The following USP3 variants were observed in gnomAD, a reference collection of about 807,000 sequenced individuals.
USP3 encodes ubiquitin carboxyl-terminal hydrolase 3.
USP3 carries 20 observed loss-of-function variants against 72.3 expected under a neutral mutation model. The ratio of observed to expected loss-of-function variants is 0.28; its 90% CI spans 0.19 to 0.40. USP3 has a LOEUF of 0.40. Among genes scored for constraint, USP3 ranks in the 10% least tolerant of loss-of-function variants. The pLI is 1.00. For missense variants in USP3, 479 were observed against 633.9 expected (o/e 0.76, Z 2.62); for synonymous variants, 222 against 225.3 (o/e 0.99, Z 0.13).
Position 63,570,635 on chromosome 15 carries a change from T to C in USP3, c.908+56T>C. On this transcript the variant is annotated intron_variant, in intron 9 of 14. Coordinates refer to ENST00000380324, the MANE Select transcript of USP3 (RefSeq NM_006537.4). The surrounding 1 kb of genome is among the most constrained non-coding windows in gnomAD (Gnocchi z 4.4). ...AGGGCCTCAGACATTTCTTTTGGTGTTAATTATGTGTTAGATTTATAACGG... is the reference window on the plus strand; with the variant it reads ...AGGGCCTCAGACATTTCTTTTGGTGCTAATTATGTGTTAGATTTATAACGG... The C allele has an allele frequency of 6.4e-7, 1 of 1,552,632 alleles. No homozygotes were observed. Among genetic ancestry groups the C allele is most frequent in the Non-Finnish European group, 8.7e-7 (1 of 1,151,934 alleles).
At chr15:63,543,540 T>G (rs1253749488) in intron 3 of USP3, among the ~76,000 whole-genome samples, 1 of 152,246 alleles carries the variant, frequency 6.6e-6, no homozygotes, top group Non-Finnish European at 1.5e-5. Flanking sequence ...CACAGACTCC[T>G]AAATCAGTTT....
intron 3 of USP3, among the ~76,000 whole-genome samples, chr15:63,548,163 C>T (rs1408998445): frequency 6.6e-6 from 1 of 150,764 alleles, no homozygotes; most frequent in Non-Finnish European, 1.5e-5. Flanking sequence ...GAGACAGGGT[C>T]TCTGTCACCC....
rs1364321709 is a variant in USP3 at position 63,562,824 on chromosome 15, G to A, written c.648-71G>A. 7.3e-6 allele frequency: 7 copies of A among 960,576 alleles called. No individual in the cohort carries two copies. In the East Asian group the frequency reaches 1.6e-4, roughly 21 times the overall value. 59.5% of individuals were successfully genotyped at this position (960,576 alleles called of 1,614,324 possible). A position where few individuals can be genotyped will look rare whatever the true frequency, so the allele number is the denominator to read the frequency against. On this transcript the variant is annotated intron_variant, in intron 7 of 14. Transcript: ENST00000380324. ...CATTTCCTATATATTAGGCATTTTA[G>A]ATGGGTGGACGCTGTGTTGAAATTG...
intron 5 of USP3, 65 bp downstream of exon 5, chr15:63,556,813 C>A: frequency 9.0e-7 from 1 of 1,117,112 alleles, no homozygotes; most frequent in Non-Finnish European, 1.3e-6. Flanking sequence ...TTTGTTACAA[C>A]TCTAACATGT....
chr15:63,569,488 A>G (rs2066745828), intron 8 of USP3, among the ~76,000 whole-genome samples: 1 of 152,186 alleles, frequency 6.6e-6, no homozygotes, highest in South Asian at 2.1e-4. Context: ...ATTTTATGGA[A>G]CCGTTGCCTG....
In USP3 at chr15:63,544,689, A is replaced by G; in HGVS notation, c.284+7533A>G. ...ACCGAATGAGGAATATTGTTTTGCC[A>G]TTAAATAAGTGAATAGTGCGAAATG... On this transcript the variant is annotated intron_variant, in intron 3 of 14. Transcript: ENST00000380324. The surrounding 1 kb of genome is among the most constrained non-coding windows in gnomAD (Gnocchi z 4.2). The G allele has an allele frequency of 1.4e-6, 1 of 701,856 alleles. No individual in the cohort carries two copies. Among genetic ancestry groups the G allele is most frequent in the Non-Finnish European group, 2.6e-6 (1 of 384,600 alleles). 43.5% of individuals were successfully genotyped at this position (701,856 alleles called of 1,614,324 possible). A position where few individuals can be genotyped will look rare whatever the true frequency, so the allele number is the denominator to read the frequency against.
chr15:63,577,494 C>A (rs532236526), intron 11 of USP3, among the ~76,000 whole-genome samples: 2 of 152,214 alleles, frequency 1.3e-5, no homozygotes, highest in African/African-American at 2.4e-5. Context: ...TGGTGGCTCA[C>A]GCCTGTAATC....
intron 1 of USP3, among the ~76,000 whole-genome samples, chr15:63,521,813 A>T (rs2065924322): frequency 6.6e-6 from 1 of 152,232 alleles, no homozygotes; most frequent in Non-Finnish European, 1.5e-5. Flanking sequence ...CAAGACAATT[A>T]TACATGGGAT....
intron 1 of USP3, among the ~76,000 whole-genome samples, chr15:63,520,638 A>C (rs1264712655): frequency 7.6e-6 from 1 of 132,250 alleles, no homozygotes; most frequent in Non-Finnish European, 1.5e-5. Context: ...ATCTCGGCTC[A>C]CTGCAGCCTC....
Position 63,553,908 on chromosome 15 carries a change from A to G in USP3, c.368+110A>G. Reference sequence around the variant, plus strand: ...TGAGTTTAATAACTTCATGTTTATAATATGATTGAAATGTTAATAAAATAA... The same window carrying G: ...TGAGTTTAATAACTTCATGTTTATAGTATGATTGAAATGTTAATAAAATAA... On this transcript the variant is annotated intron_variant, in intron 4 of 14. Transcript: ENST00000380324. This position sits in a 1 kb window ranked among gnomAD's most constrained non-coding sequence, Gnocchi z 4.2. 3 of 777,402 alleles carry G rather than the reference A, an allele frequency of 3.9e-6. No individual in the cohort carries two copies. The highest frequency in any genetic ancestry group is 2.9e-5 in the East Asian group (1 of 34,002). The allele number at this position is 777,402 out of a possible 1,614,324, so 48.2% of individuals were successfully genotyped here.
chr15:63,587,550 G>A (rs1252661581), intron 11 of USP3, among the ~76,000 whole-genome samples: 1 of 152,146 alleles, frequency 6.6e-6, no homozygotes, highest in Non-Finnish European at 1.5e-5. Context: ...GTGGTTTATC[G>A]TTGCTTCACA....
Position 63,517,822 on chromosome 15 carries a change from C to G in USP3, c.91+12992C>G, listed in dbSNP as rs1399239800. On this transcript the variant is annotated intron_variant, in intron 1 of 14. Coordinates refer to ENST00000380324, the MANE Select transcript of USP3 (RefSeq NM_006537.4). ...AGAGCTCCTCCCATCTGCATTCTTC[C>G]TGGCTGACACTCAGGCCATAGCTTC... Among the ~76,000 whole-genome samples the G allele has an allele frequency of 2.6e-5, 4 of 152,170 alleles. No homozygotes were observed. In the East Asian group the frequency reaches 7.7e-4, roughly 29 times the overall value.
rs2067185783 is a variant in USP3, at chr15:63,590,881, C to G, written c.*55C>G. ...ATACCAGAGAAACATTTCCAGTTTT[C>G]CACAAATACTTGATACAAGATTTAA... On this transcript the variant is annotated 3_prime_UTR_variant, in exon 15 of 15. Transcript: ENST00000380324. 2 of 1,510,868 alleles carry G rather than the reference C, an allele frequency of 1.3e-6. No homozygotes were observed. The highest frequency in any genetic ancestry group is 4.4e-5 in the Admixed American group (2 of 45,728). 93.6% of individuals were successfully genotyped at this position (1,510,868 alleles called of 1,614,324 possible).
Position 63,590,850 on chromosome 15 carries a change from C to T in USP3, c.*24C>T, listed in dbSNP as rs181592916. 1.4e-5 allele frequency: 22 copies of T among 1,584,206 alleles called. No individual in the cohort carries two copies. Among genetic ancestry groups the T allele is most frequent in the Middle Eastern group, 2.0e-4 (1 of 5,116 alleles). ...AATACCTCCTCCAAATCATCATTCACCAACCATACCAGAGAAACATTTCCA... is the reference window on the plus strand; with the variant it reads ...AATACCTCCTCCAAATCATCATTCATCAACCATACCAGAGAAACATTTCCA... On this transcript the variant is annotated 3_prime_UTR_variant, in exon 15 of 15. Coordinates refer to ENST00000380324, the MANE Select transcript of USP3 (RefSeq NM_006537.4).
chr15:63,591,765 C>CACTT lies in USP3; in HGVS notation c.*940_*943dup, dbSNP rs1207110226. 6 of 152,230 alleles carry CACTT rather than the reference C, an allele frequency of 3.9e-5. No homozygotes were observed. Among genetic ancestry groups the CACTT allele is most frequent in the Admixed American group, 3.9e-4 (6 of 15,282 alleles). The allele number at this position is 152,230 out of a possible 1,614,324, so 9.4% of individuals were successfully genotyped here. A position where few individuals can be genotyped will look rare whatever the true frequency, so the allele number is the denominator to read the frequency against. Reference sequence around the variant, plus strand: ...TGGGATTTACTTGGATCATCACCCGCACTTCAGTTTATCACTGGGGGGTGT... The same window carrying CACTT: ...TGGGATTTACTTGGATCATCACCCGCACTTACTTCAGTTTATCACTGGGGGGTGT... On this transcript the variant is annotated 3_prime_UTR_variant, in exon 15 of 15. Coordinates refer to ENST00000380324, the MANE Select transcript of USP3 (RefSeq NM_006537.4).
At chr15:63,511,461 A>G (rs759512242) in intron 1 of USP3, among the ~76,000 whole-genome samples, 4 of 152,072 alleles carry the variant, frequency 2.6e-5, no homozygotes, top group Non-Finnish European at 5.9e-5. Flanking sequence ...CCCTCACCCA[A>G]TTTAATATTG....
At chr15:63,515,468 G>C (rs937000871) in intron 1 of USP3, 1 of 152,264 alleles carries the variant, frequency 6.6e-6, no homozygotes, top group Non-Finnish European at 1.5e-5. Context: ...TGGGAAGTCA[G>C]CAGGACCAGA....
rs1235979512 is a variant in USP3, at chr15:63,574,004, G to A, written c.909-42G>A. The A allele has an allele frequency of 7.2e-7, 1 of 1,382,112 alleles. No individual in the cohort carries two copies. The allele number at this position is 1,382,112 out of a possible 1,614,324, so 85.6% of individuals were successfully genotyped here. ...TAGTTTTTTAAATGTCAAAGAGATGGCTTCTTACTGAGATATTTTCCTGTG... is the reference window on the plus strand; with the variant it reads ...TAGTTTTTTAAATGTCAAAGAGATGACTTCTTACTGAGATATTTTCCTGTG... On this transcript the variant is annotated intron_variant, in intron 9 of 14. Coordinates refer to ENST00000380324, the MANE Select transcript of USP3 (RefSeq NM_006537.4). The surrounding 1 kb of genome is among the most constrained non-coding windows in gnomAD (Gnocchi z 4.6).
chr15:63,524,704 T>C (rs2065958062), intron 1 of USP3, among the ~76,000 whole-genome samples: 1 of 152,130 alleles, frequency 6.6e-6, no homozygotes, highest in South Asian at 2.1e-4. Flanking sequence ...CTGCACATGG[T>C]TTGGGCTTCT....
Sources: allele counts gnomAD v4.1 joint callset (sites outside exome capture counted in the v4.1 genomes callset), GRCh38; gene constraint gnomAD v4.1.1; non-coding constraint Gnocchi (gnomAD v3.1); transcripts MANE v1.5; gene names NCBI Gene and HGNC (gene_info 2026-07-23, HGNC 2026-07-21).